TSPAN9: variants seen among roughly 807,000 people sequenced by gnomAD.
TSPAN9 encodes tetraspanin 9, also known as tetraspanin-9.
Under a neutral mutation model 31.0 loss-of-function variants are expected in TSPAN9, and 16 were observed. That is an observed-to-expected ratio of 0.52 (90% confidence interval 0.35 to 0.78). The LOEUF (loss-of-function observed/expected upper bound fraction) is 0.78. Ranked by LOEUF, TSPAN9 falls within the 30% of genes least tolerant of loss-of-function variation. The pLI is 0.01. For synonymous variants in TSPAN9, 145 were observed against 121.6 expected, an observed-to-expected ratio of 1.19 and a Z score of -1.27; for missense variants, 272 against 312.5, an observed-to-expected ratio of 0.87 and a Z score of 0.98.
chr12:3,281,406 G>A (rs1185940694), intron 7 of TSPAN9, 77 bp downstream of exon 7: 7 of 1,472,382 alleles, frequency 4.8e-6, no homozygotes, highest in Non-Finnish European at 4.5e-6. Context: ...TATAGGGGAG[G>A]CTGGGCCCGG....
intron 2 of TSPAN9, among the ~76,000 whole-genome samples, chr12:3,099,780 T>C (rs566752138): frequency 4.3e-4 from 65 of 152,074 alleles, no homozygotes; most frequent in African/African-American, 1.4e-3. Context: ...GCCTCACTGC[T>C]AAGGCAACAC....
intron 3 of TSPAN9, among the ~76,000 whole-genome samples, chr12:3,222,022 C>G (rs11613449): frequency 2.0e-5 from 3 of 152,150 alleles, no homozygotes; most frequent in Non-Finnish European, 2.9e-5. Flanking sequence ...TTAAGGAACA[C>G]GGGACAAGAG....
intron 3 of TSPAN9, among the ~76,000 whole-genome samples, chr12:3,244,597 C>T (rs529882238): frequency 1.1e-4 from 17 of 152,324 alleles, no homozygotes; most frequent in Admixed American, 6.5e-4. Flanking sequence ...CACGCCCCAC[C>T]GGACCACGCG....
chr12:3,238,122 C>A (rs1464673183), intron 3 of TSPAN9, among the ~76,000 whole-genome samples: 2 of 152,194 alleles, frequency 1.3e-5, no homozygotes, highest in African/African-American at 4.8e-5. Context: ...GTTTACAAAG[C>A]CCTTCTCTCT....
chr12:3,242,741 A>G (rs1307720011), intron 3 of TSPAN9, among the ~76,000 whole-genome samples: 1 of 152,216 alleles, frequency 6.6e-6, no homozygotes, highest in Non-Finnish European at 1.5e-5. Flanking sequence ...TGCCCTGAAC[A>G]TATTGTGGAG....
intron 2 of TSPAN9, among the ~76,000 whole-genome samples, chr12:3,088,842 C>G (rs2098302186): frequency 6.6e-6 from 1 of 151,812 alleles, no homozygotes; most frequent in Non-Finnish European, 1.5e-5. Context: ...GCTGTTCTGT[C>G]TGGGGCACCT....
intron 2 of TSPAN9, among the ~76,000 whole-genome samples, chr12:3,097,808 C>T (rs180937787): frequency 1.3e-5 from 2 of 152,352 alleles, no homozygotes; most frequent in Admixed American, 1.3e-4. Flanking sequence ...TATCCTTCTC[C>T]CACATCAGGC....
intron 2 of TSPAN9, among the ~76,000 whole-genome samples, chr12:3,166,671 T>C (rs1383734976): frequency 1.3e-5 from 2 of 152,246 alleles, no homozygotes; most frequent in African/African-American, 2.4e-5. Context: ...AGCATCCAGA[T>C]TGAGAAACAG....
chr12:3,127,518 G>A (rs950292272), intron 2 of TSPAN9, among the ~76,000 whole-genome samples: 2 of 151,878 alleles, frequency 1.3e-5, no homozygotes, highest in African/African-American at 4.8e-5. Context: ...ACGATGCCCG[G>A]CTAATTTTTT....
At chr12:3,183,293 A>T (rs1297856359) in intron 2 of TSPAN9, among the ~76,000 whole-genome samples, 1 of 152,180 alleles carries the variant, frequency 6.6e-6, no homozygotes. Context: ...CAGATCTGAG[A>T]TCTGTCCCCT....
At chr12:3,180,566 T>C (rs4766059) in intron 2 of TSPAN9, among the ~76,000 whole-genome samples, 151,361 of 152,318 alleles carry the variant, frequency 0.99, 75,207 homozygotes, top group Middle Eastern at 1. Context: ...AAGCATGGAT[T>C]GAGGGGTTGC....
chr12:3,140,129 C>G (rs1005999865), intron 2 of TSPAN9, among the ~76,000 whole-genome samples: 1 of 131,672 alleles, frequency 7.6e-6, no homozygotes, highest in Admixed American at 8.3e-5. Context: ...CAGATTACTA[C>G]CCAGAGTGTG....
rs551907371 is a variant in TSPAN9 at position 3,219,463 on chromosome 12, T to C, written c.63+18207T>C. ...TCTCCCGGTGTGGGTCGGGCACCTG[T>C]CCAAGGCGGACCTTCTGTGAGGATG... On this transcript the variant is annotated intron_variant, in intron 3 of 8. Coordinates refer to ENST00000011898, the MANE Select transcript of TSPAN9 (RefSeq NM_006675.5). Among the ~76,000 whole-genome samples, 6 of 152,230 alleles carry C rather than the reference T, an allele frequency of 3.9e-5. No homozygotes were observed. The South Asian group carries it at 1.2e-3, about 32-fold the overall frequency.
chr12:3,230,643 C>A (rs3782812), intron 3 of TSPAN9, among the ~76,000 whole-genome samples: 1 of 152,034 alleles, frequency 6.6e-6, no homozygotes, highest in Non-Finnish European at 1.5e-5. Context: ...CCCCTGGAGA[C>A]CCTGCCTCAT....
chr12:3,140,721 G>A (rs895854150), intron 2 of TSPAN9, among the ~76,000 whole-genome samples: 1 of 152,086 alleles, frequency 6.6e-6, no homozygotes, highest in Non-Finnish European at 1.5e-5. Context: ...TGAGGTAGGA[G>A]GACTCAGGGA....
chr12:3,264,681 G>A (rs1323862891), intron 3 of TSPAN9, among the ~76,000 whole-genome samples: 2 of 152,232 alleles, frequency 1.3e-5, no homozygotes, highest in African/African-American at 2.4e-5. Context: ...GCTGGCCTCC[G>A]TAACCTAGGG....
At chr12:3,237,028 A>C (rs1221087084) in intron 3 of TSPAN9, among the ~76,000 whole-genome samples, 1 of 152,130 alleles carries the variant, frequency 6.6e-6, no homozygotes, top group African/African-American at 2.4e-5. Flanking sequence ...CGGTGTGAGG[A>C]TTTGTGGGAG....
intron 3 of TSPAN9, among the ~76,000 whole-genome samples, chr12:3,202,280 T>G (rs1052237669): frequency 2.0e-5 from 3 of 152,220 alleles, no homozygotes; most frequent in Non-Finnish European, 4.4e-5. Flanking sequence ...TCCTGCCCTC[T>G]GGAGGCTGTC....
chr12:3,181,838 C>T (rs767417934), intron 2 of TSPAN9, among the ~76,000 whole-genome samples: 57 of 152,260 alleles, frequency 3.7e-4, no homozygotes, highest in South Asian at 2.1e-3. Flanking sequence ...CTTCTCCTTG[C>T]TCCTTTGCTG....
Sources: gnomAD v4.1 joint callset for allele counts (sites outside exome capture counted in the v4.1 genomes callset) on GRCh38, gnomAD v4.1.1 for gene constraint, MANE v1.5 for transcripts, NCBI Gene and HGNC (gene_info 2026-07-23, HGNC 2026-07-21) for gene names.